FLACC1: variants seen among roughly 807,000 people sequenced by gnomAD.
FLACC1 encodes the protein flagellum-associated coiled-coil domain-containing protein 1.
Under a neutral mutation model 62.8 loss-of-function variants are expected in FLACC1, and 66 were observed. The ratio of observed to expected loss-of-function variants is 1.05; its 90% CI spans 0.86 to 1.29. FLACC1 has a LOEUF of 1.29. Ranked by LOEUF, FLACC1 falls within the 50% of genes most tolerant of loss-of-function variation. The pLI is 0.00. For synonymous variants in FLACC1, 156 were observed against 161.0 expected (o/e 0.97, Z 0.24); for missense variants, 452 against 489.1 (o/e 0.92, Z 0.71).
At chr2:201,351,260 C>T in intron 2 of FLACC1, 32 bp downstream of exon 2, 3 of 1,529,098 alleles carry the variant, frequency 2.0e-6, no homozygotes, top group Non-Finnish European at 2.7e-6. Flanking sequence ...TCCCAAGGTC[C>T]CTGTGCCTAC....
At chr2:201,339,794 C>G (rs540800581) in intron 7 of FLACC1, among the ~76,000 whole-genome samples, 159 of 152,206 alleles carry the variant, frequency 1.0e-3, no homozygotes, top group African/African-American at 3.7e-3. Context: ...GTGGCATATG[C>G]TGGCATTAAG....
rs557665223 is a variant in FLACC1 at position 201,354,239 on chromosome 2, G to A, written c.-48+2743C>T. ...TAACAGTACAAATCTTTAGAGGCTC[G>A]TGCTGTGAGTCCTGTGCTAGATGCT... On this transcript the variant is annotated intron_variant, in intron 1 of 14. Transcript: ENST00000392257. Among the ~76,000 whole-genome samples, 23 of 152,246 alleles carry A rather than the reference G, an allele frequency of 1.5e-4. No individual in the cohort carries two copies. The Middle Eastern group carries it at 0.01, about 68-fold the overall frequency.
chr2:201,346,967 A>G lies in FLACC1; in HGVS notation c.235-292T>C, dbSNP rs1453985629. On this transcript the variant is annotated intron_variant, in intron 4 of 14. Coordinates refer to ENST00000392257, the MANE Select transcript of FLACC1 (RefSeq NM_001127391.3). The surrounding 1 kb of genome is among the most constrained non-coding windows in gnomAD (Gnocchi z 4.0). Reference sequence around the variant, plus strand: ...CACCCTCGTGGCCAGAGCCCAGAGGAGGTGGGCATGCGGCAACTGCTCGGG... The same window carrying G: ...CACCCTCGTGGCCAGAGCCCAGAGGGGGTGGGCATGCGGCAACTGCTCGGG... Among the ~76,000 whole-genome samples, 1 of 152,134 alleles carries G rather than the reference A, an allele frequency of 6.6e-6. No homozygotes were observed. Among genetic ancestry groups the G allele is most frequent in the Non-Finnish European group, 1.5e-5 (1 of 68,034 alleles).
chr2:201,331,629 C>T (rs1301927055), intron 7 of FLACC1, among the ~76,000 whole-genome samples: 1 of 152,096 alleles, frequency 6.6e-6, no homozygotes, highest in Non-Finnish European at 1.5e-5. Context: ...GGTATGATTC[C>T]AACTATATGA....
rs572406075 is a variant in FLACC1 at position 201,328,138 on chromosome 2, T to G, written c.675+2332A>C. On this transcript the variant is annotated intron_variant, in intron 9 of 14. Transcript: ENST00000392257. The stretch of plus-strand genomic sequence containing the variant: ...CAAAGGCATATTCATTAATGAACTT[T>G]AGAGACTCAGAAGGGGGAGGTGGGA... Among the ~76,000 whole-genome samples, 15 of 152,040 alleles carry G rather than the reference T, an allele frequency of 9.9e-5. No homozygotes were observed. In the South Asian group the frequency reaches 3.1e-3, roughly 32 times the overall value.
chr2:201,314,715 T>C (rs1576436928), intron 9 of FLACC1, among the ~76,000 whole-genome samples: 1 of 152,132 alleles, frequency 6.6e-6, no homozygotes, highest in African/African-American at 2.4e-5. Flanking sequence ...AAAAAGATCA[T>C]AGCCTAGGCA....
rs2125528092 is a variant in FLACC1, at chr2:201,289,526, T to G, written c.1073A>C (p.Lys358Thr). ...VGNLEKMLQT[K>T]FAETEEKYKH... ...ATACTTTTCTTCAGTTTCAGCAAAC[T>G]TGGTTTGAAGCATTTTCTCCAGATT... Residue 358 changes from lysine to threonine, a missense_variant, in exon 14 of 15, where the codon AAG becomes ACG. By Grantham distance (78) the Lys-to-Thr change is moderately conservative. This residue lies in a region of FLACC1 where 301 missense variants were observed against 318.4 expected (regional missense o/e 0.95). Transcript: ENST00000392257. The G allele has an allele frequency of 1.9e-6, 3 of 1,614,232 alleles. No homozygotes were observed. The South Asian group carries it at 3.3e-5, about 18-fold the overall frequency.
upstream of FLACC1, among the ~76,000 whole-genome samples, chr2:201,358,230 A>AT (rs948001534): frequency 8.6e-5 from 13 of 151,676 alleles, no homozygotes; most frequent in African/African-American, 1.7e-4. Flanking sequence ...AGCATAATTA[A>AT]TTTTTTTTTC....
chr2:201,288,848 A>C (rs1255567348), intron 14 of FLACC1, 67 bp from the exon 15 acceptor site: 1 of 1,559,718 alleles, frequency 6.4e-7, no homozygotes, highest in South Asian at 1.2e-5. Context: ...GGATATTTGG[A>C]GTGCAGGGAG....
rs1262874981 is a variant in FLACC1 at position 201,341,075 on chromosome 2, G to A, written c.524+1295C>T. Among the ~76,000 whole-genome samples, 4 of 152,218 alleles carry A rather than the reference G, an allele frequency of 2.6e-5. No homozygotes were observed. In the East Asian group the frequency reaches 5.8e-4, roughly 22 times the overall value. ...TAGTTTGATTATTATGTGTCTTGGTGTACTCATCTTTGAGTTTAATTTGAT... is the reference window on the plus strand; with the variant it reads ...TAGTTTGATTATTATGTGTCTTGGTATACTCATCTTTGAGTTTAATTTGAT... On this transcript the variant is annotated intron_variant, in intron 7 of 14. Transcript: ENST00000392257.
At chr2:201,329,368 C>T (rs994107906) in intron 9 of FLACC1, among the ~76,000 whole-genome samples, 7 of 152,106 alleles carry the variant, frequency 4.6e-5, no homozygotes, top group East Asian at 3.9e-4. Context: ...AGTTCATTGC[C>T]GGTGGAAAGC....
chr2:201,309,282 G>C, intron 9 of FLACC1, 32 bp from the exon 10 acceptor site: 1 of 1,546,506 alleles, frequency 6.5e-7, no homozygotes, highest in Non-Finnish European at 8.9e-7. Flanking sequence ...ATGAAGAAAA[G>C]AGTCCTAAAA....
chr2:201,309,925 A>AAAAAAAAAAAAAAAAAAAAAAACAG (rs764506462), intron 9 of FLACC1, among the ~76,000 whole-genome samples: 1 of 99,392 alleles, frequency 1.0e-5, no homozygotes, highest in Non-Finnish European at 2.3e-5. Flanking sequence ...AAAAAAAAAA[A>AAAAAAAAAAAAAAAAAAAAAAACAG]AAGAAGAAGA....
At chr2:201,310,993 C>T (rs1170098159) in intron 9 of FLACC1, among the ~76,000 whole-genome samples, 1 of 152,018 alleles carries the variant, frequency 6.6e-6, no homozygotes. Context: ...AAAAGAACCT[C>T]AGAGATCATT....
intron 7 of FLACC1, among the ~76,000 whole-genome samples, chr2:201,337,124 G>A (rs1356748638): frequency 6.6e-6 from 1 of 152,182 alleles, no homozygotes; most frequent in Non-Finnish European, 1.5e-5. Context: ...TTTGCGTGTA[G>A]AAGCTTTTTA....
chr2:201,340,278 T>A (rs10197555), intron 7 of FLACC1, among the ~76,000 whole-genome samples: 4,254 of 152,278 alleles, frequency 0.028, 200 homozygotes, highest in African/African-American at 0.096. Flanking sequence ...GCCATTTTGT[T>A]AATTTTTGTT....
In FLACC1 at chr2:201,346,522, T is replaced by C; in HGVS notation, c.368+20A>G. The C allele has an allele frequency of 1.9e-6, 3 of 1,612,538 alleles. No homozygotes were observed. The highest frequency in any genetic ancestry group is 1.3e-5 in the African/African-American group (1 of 75,048). ...GTGGGAGTAGCCCCAAGCAGCTGCA[T>C]GTTGCTGCAACAGCATTACCTGGAA... On this transcript the variant is annotated intron_variant, in intron 5 of 14. Coordinates refer to ENST00000392257, the MANE Select transcript of FLACC1 (RefSeq NM_001127391.3). This position sits in a 1 kb window ranked among gnomAD's most constrained non-coding sequence, Gnocchi z 4.0.
rs939961542 is a variant in FLACC1, at chr2:201,346,485, G to A, written c.368+57C>T. The A allele has an allele frequency of 3.2e-5, 52 of 1,601,538 alleles. No individual in the cohort carries two copies. The highest frequency in any genetic ancestry group is 5.5e-5 in the South Asian group (5 of 90,310). On this transcript the variant is annotated intron_variant, in intron 5 of 14. Coordinates refer to ENST00000392257, the MANE Select transcript of FLACC1 (RefSeq NM_001127391.3). This position sits in a 1 kb window ranked among gnomAD's most constrained non-coding sequence, Gnocchi z 4.0. The stretch of plus-strand genomic sequence containing the variant: ...GCGGCTTTGGCTTGTCCCTGAGGCC[G>A]GGCTGAGCTGGGTGGGAGTAGCCCC...
At chr2:201,291,302 C>T (rs956908994) in intron 12 of FLACC1, among the ~76,000 whole-genome samples, 10 of 152,182 alleles carry the variant, frequency 6.6e-5, no homozygotes, top group East Asian at 1.9e-4. Context: ...ACACATCACA[C>T]GGCTGGGTAC....
Sources: allele counts gnomAD v4.1 joint callset (sites outside exome capture counted in the v4.1 genomes callset), GRCh38; gene constraint gnomAD v4.1.1; regional missense constraint gnomAD v4.1.1; non-coding constraint Gnocchi (gnomAD v3.1); transcripts MANE v1.5; gene names NCBI Gene and HGNC (gene_info 2026-07-23, HGNC 2026-07-21).